BRINP3: variants seen among roughly 807,000 people sequenced by gnomAD.
BRINP3 encodes the protein BMP/retinoic acid-inducible neural-specific protein 3.
Under a neutral mutation model 71.0 loss-of-function variants are expected in BRINP3, and 19 were observed. That is an observed-to-expected ratio of 0.27 (90% CI 0.19 to 0.39). The LOEUF is 0.39. Ranked by LOEUF, BRINP3 falls within the 10% of genes least tolerant of loss-of-function variation. The pLI is 1.00. For missense variants in BRINP3, 959 were observed against 940.8 expected (o/e 1.02, Z -0.25); for synonymous variants, 380 against 337.7 (o/e 1.13, Z -1.37).
At chr1:190,195,298 T>A (rs1654381917) in intron 6 of BRINP3, among the ~76,000 whole-genome samples, 1 of 151,966 alleles carries the variant, frequency 6.6e-6, no homozygotes, top group Non-Finnish European at 1.5e-5. Context: ...TTTAAAAGAT[T>A]ACATCTATAA....
intron 2 of BRINP3, among the ~76,000 whole-genome samples, chr1:190,300,108 T>C (rs1036371967): frequency 1.3e-5 from 2 of 152,170 alleles, no homozygotes; most frequent in African/African-American, 4.8e-5. Context: ...CCTTGCTAGA[T>C]TGTGGAAGTT....
intron 2 of BRINP3, among the ~76,000 whole-genome samples, chr1:190,357,544 T>C (rs891109790): frequency 5.3e-5 from 8 of 151,958 alleles, no homozygotes; most frequent in Non-Finnish European, 1.0e-4. Context: ...GCTTTTTGTG[T>C]AGTAAAGAAT....
At chr1:190,407,576 A>G (rs1013445530) in intron 2 of BRINP3, among the ~76,000 whole-genome samples, 1 of 152,218 alleles carries the variant, frequency 6.6e-6, no homozygotes, top group African/African-American at 2.4e-5. Context: ...ACATTCAAGA[A>G]AAAACAATGT....
intron 6 of BRINP3, among the ~76,000 whole-genome samples, chr1:190,202,499 T>TA (rs1655091384): frequency 6.6e-6 from 1 of 152,106 alleles, no homozygotes. Context: ...TGATTGGTTT[T>TA]AAAATGTGAA....
chr1:190,398,657 CAT>C (rs1671736445), intron 2 of BRINP3, among the ~76,000 whole-genome samples: 1 of 151,898 alleles, frequency 6.6e-6, no homozygotes, highest in South Asian at 2.1e-4. Flanking sequence ...AAAACTATAA[CAT>C]AGCTCAAATT....
intron 2 of BRINP3, among the ~76,000 whole-genome samples, chr1:190,436,579 T>C (rs867708303): frequency 6.6e-6 from 1 of 151,900 alleles, no homozygotes; most frequent in East Asian, 1.9e-4. Context: ...GTGGGTCATA[T>C]AACGGTGCAT....
chr1:190,105,631 C>T (rs754145914), intron 7 of BRINP3, among the ~76,000 whole-genome samples: 2 of 151,986 alleles, frequency 1.3e-5, no homozygotes, highest in Admixed American at 6.6e-5. Context: ...AAGGTTTACC[C>T]CTGGTCTCTA....
intron 6 of BRINP3, among the ~76,000 whole-genome samples, chr1:190,203,753 ATATATATATATAT>A (rs1655224815): frequency 0.024 from 129 of 5,362 alleles, 3 homozygotes; most frequent in Middle Eastern, 0.071. Flanking sequence ...TAAAGAAAAT[ATATATATATATAT>A]ATATATATAT....
intron 2 of BRINP3, among the ~76,000 whole-genome samples, chr1:190,408,220 A>G (rs534253339): frequency 1.4e-5 from 2 of 142,496 alleles, no homozygotes; most frequent in Non-Finnish European, 3.0e-5. Flanking sequence ...TTTTTTTTGT[A>G]TTTTTAGTAG....
chr1:190,123,635 CAT>C (rs1461766884), intron 7 of BRINP3, among the ~76,000 whole-genome samples: 2 of 152,090 alleles, frequency 1.3e-5, no homozygotes, highest in African/African-American at 4.8e-5. Context: ...TAATACTACT[CAT>C]AATACTGCTA....
chr1:190,315,896 T>C (rs1294380506), intron 2 of BRINP3, among the ~76,000 whole-genome samples: 1 of 152,096 alleles, frequency 6.6e-6, no homozygotes, highest in Non-Finnish European at 1.5e-5. Flanking sequence ...AGGCAAACAA[T>C]ACTTCCCAGC....
intron 2 of BRINP3, among the ~76,000 whole-genome samples, chr1:190,370,182 C>T (rs533753347): frequency 1.3e-5 from 2 of 152,136 alleles, no homozygotes; most frequent in South Asian, 2.1e-4. Flanking sequence ...CACACATACA[C>T]AAGCACAATT....
intron 2 of BRINP3, among the ~76,000 whole-genome samples, chr1:190,383,775 T>A (rs1437867272): frequency 6.6e-6 from 1 of 152,010 alleles, no homozygotes. Context: ...AAAACACTTC[T>A]GAATTTATAA....
intron 2 of BRINP3, among the ~76,000 whole-genome samples, chr1:190,447,898 TACTC>T (rs1675335031): frequency 6.6e-6 from 1 of 151,624 alleles, no homozygotes; most frequent in Non-Finnish European, 1.5e-5. Flanking sequence ...AATTTACACA[TACTC>T]ATCACAAAAA....
At chr1:190,370,962 G>A (rs992114017) in intron 2 of BRINP3, among the ~76,000 whole-genome samples, 3 of 151,930 alleles carry the variant, frequency 2.0e-5, no homozygotes, top group African/African-American at 7.3e-5. Context: ...ATACCTGTTG[G>A]TCATCTGGTT....
chr1:190,158,907 G>C (rs1657105137), intron 7 of BRINP3, among the ~76,000 whole-genome samples: 2 of 151,636 alleles, frequency 1.3e-5, no homozygotes, highest in South Asian at 2.1e-4. Context: ...AGAAAGGACT[G>C]CCTAGGAAAC....
At chr1:190,194,416 C>A (rs1266563612) in intron 6 of BRINP3, among the ~76,000 whole-genome samples, 1 of 151,720 alleles carries the variant, frequency 6.6e-6, no homozygotes, top group African/African-American at 2.4e-5. Context: ...ATAGACTGAT[C>A]AGAAAACATT....
At chr1:190,345,714 A>G (rs1667974406) in intron 2 of BRINP3, among the ~76,000 whole-genome samples, 1 of 111,868 alleles carries the variant, frequency 8.9e-6, no homozygotes, top group Non-Finnish European at 1.8e-5. Context: ...ATTTACCTTC[A>G]GAAAAAAAAA....
intron 1 of BRINP3, among the ~76,000 whole-genome samples, chr1:190,462,048 A>T (rs1676434132): frequency 1.3e-5 from 2 of 151,902 alleles, no homozygotes; most frequent in Admixed American, 1.3e-4. Flanking sequence ...AAGTAACTGG[A>T]ATTATAGGCA....
Sources: gnomAD v4.1 joint callset for allele counts (sites outside exome capture counted in the v4.1 genomes callset) on GRCh38, gnomAD v4.1.1 for gene constraint, MANE v1.5 for transcripts, NCBI Gene and HGNC (gene_info 2026-07-23, HGNC 2026-07-21) for gene names.